Variants in RABEPK observed in about 807,000 individuals in gnomAD.
The protein encoded by RABEPK is Rab9 effector protein with kelch motifs.
Under a neutral mutation model 34.1 loss-of-function variants are expected in RABEPK, and 27 were observed. The ratio of observed to expected loss-of-function variants is 0.79; its 90% CI spans 0.58 to 1.09. RABEPK has a LOEUF of 1.09. RABEPK is among the 50% of genes least tolerant of loss of function. The pLI, the probability that RABEPK is intolerant of heterozygous loss-of-function variation, is 0.00. For synonymous variants in RABEPK, 172 were observed against 169.2 expected (o/e 1.02, Z -0.13); for missense variants, 449 against 462.6 (o/e 0.97, Z 0.27).
chr9:125,207,702 C>T lies in RABEPK; in HGVS notation c.192C>T (p.Asp64=), dbSNP rs143806351. The T allele has an allele frequency of 3.3e-5, 54 of 1,614,130 alleles. No individual in the cohort carries two copies. Among genetic ancestry groups the T allele is most frequent in the African/African-American group, 1.1e-4 (8 of 75,060 alleles). The part of the protein sequence containing the change: ...GGANPNRSFS[D]VHTMDLGKHQ... ...CAAATCCAAACAGAAGCTTCTCAGA[C>T]GTGCACACCATGGATCTGGGTAAGA... The change falls in exon 3 of 8, where the codon GAC becomes GAT. Residue 64 remains aspartate, a synonymous_variant. Transcript: ENST00000373538.
rs186136750 is a variant in RABEPK at position 125,217,292 on chromosome 9, A to G, written c.365-3247A>G. On this transcript the variant is annotated intron_variant, in intron 4 of 7. Transcript: ENST00000373538. ...AGTTAAGGTTTGGCAAAGGGAAATC[A>G]GTTCTGGAACCCTGGCCTTTTGATT... is the stretch of plus-strand genomic sequence containing the variant. 1.5e-3 allele frequency among the ~76,000 whole-genome samples: 230 copies of G among 152,356 alleles called. 1 individual carries two copies. The highest frequency in any genetic ancestry group is 5.4e-3 in the African/African-American group (224 of 41,596).
intron 6 of RABEPK, among the ~76,000 whole-genome samples, chr9:125,230,812 G>A (rs1029681531): frequency 1.3e-5 from 2 of 151,682 alleles, no homozygotes; most frequent in Admixed American, 6.6e-5. Flanking sequence ...TGGGATTACA[G>A]GTGTGAGCCA....
At chr9:125,230,737 G>A (rs753681300) in intron 6 of RABEPK, among the ~76,000 whole-genome samples, 1 of 151,166 alleles carries the variant, frequency 6.6e-6, no homozygotes, top group Non-Finnish European at 1.5e-5. Context: ...GGGTTTCACC[G>A]TGTTAGCCAG....
intron 3 of RABEPK, among the ~76,000 whole-genome samples, chr9:125,208,298 TTGA>T (rs1830368931): frequency 6.6e-6 from 1 of 152,174 alleles, no homozygotes; most frequent in Admixed American, 6.6e-5. Flanking sequence ...GTAGGATACA[TTGA>T]TGACTACCAC....
intron 7 of RABEPK, among the ~76,000 whole-genome samples, chr9:125,233,334 T>TTG (rs1289986590): frequency 7.3e-6 from 1 of 136,854 alleles, no homozygotes; most frequent in African/African-American, 2.8e-5. Context: ...AAATTGTTTT[T>TTG]TTTTTTTTTT....
At chr9:125,218,176 C>T (rs1831066783) in intron 4 of RABEPK, among the ~76,000 whole-genome samples, 2 of 151,110 alleles carry the variant, frequency 1.3e-5, no homozygotes, top group South Asian at 2.1e-4. Flanking sequence ...AAAAATTAGC[C>T]GGGCATGGTG....
At chr9:125,213,259 C>G (rs1471882015) in intron 3 of RABEPK, 111 bp from the exon 4 acceptor site, 5 of 1,094,136 alleles carry the variant, frequency 4.6e-6, no homozygotes, top group African/African-American at 3.2e-5. Context: ...TTAAGTGATT[C>G]AGTGGTTTTC....
chr9:125,228,304 G>A (rs563374312), intron 6 of RABEPK, among the ~76,000 whole-genome samples: 1 of 152,128 alleles, frequency 6.6e-6, no homozygotes, highest in South Asian at 2.1e-4. Flanking sequence ...TCACCATGTT[G>A]CCCAGGCTGA....
chr9:125,210,398 C>T (rs1463639480), intron 3 of RABEPK, among the ~76,000 whole-genome samples: 2 of 108,328 alleles, frequency 1.8e-5, no homozygotes, highest in South Asian at 3.0e-4. Context: ...AGCAAGTCTC[C>T]GTCTCAAAAA....
At chr9:125,202,856 A>G (rs1051629849) in intron 1 of RABEPK, among the ~76,000 whole-genome samples, 152 bp from the exon 2 acceptor site, 1 of 152,090 alleles carries the variant, frequency 6.6e-6, no homozygotes, top group African/African-American at 2.4e-5. Flanking sequence ...TAAATAAATA[A>G]TAAAAATAAA....
At chr9:125,207,267 C>A (rs1204198924) in intron 2 of RABEPK, among the ~76,000 whole-genome samples, 12 of 152,138 alleles carry the variant, frequency 7.9e-5, no homozygotes, top group East Asian at 5.8e-4. Flanking sequence ...GTGCCAAGAC[C>A]CATCACTGAA....
chr9:125,209,381 G>A (rs1174893105), intron 3 of RABEPK, among the ~76,000 whole-genome samples: 3 of 148,414 alleles, frequency 2.0e-5, no homozygotes, highest in Non-Finnish European at 3.0e-5. Context: ...GCAGCGTGTC[G>A]CTCTGTCACC....
intron 5 of RABEPK, among the ~76,000 whole-genome samples, chr9:125,224,581 T>G (rs1290221788): frequency 1.3e-5 from 2 of 151,502 alleles, no homozygotes; most frequent in Non-Finnish European, 2.9e-5. Context: ...GCCTCCCGAG[T>G]AGCTTGGACT....
chr9:125,209,536 A>G (rs1830457496), intron 3 of RABEPK, among the ~76,000 whole-genome samples: 3 of 151,686 alleles, frequency 2.0e-5, no homozygotes, highest in African/African-American at 7.3e-5. Context: ...TTTAGTAGAG[A>G]TGGGGGTTTC....
chr9:125,217,735 G>C (rs1401018913), intron 4 of RABEPK, among the ~76,000 whole-genome samples: 1 of 152,134 alleles, frequency 6.6e-6, no homozygotes, highest in Non-Finnish European at 1.5e-5. Flanking sequence ...GCTGGTGTTT[G>C]AGTTGGCAGG....
chr9:125,222,856 G>A (rs1831448437), intron 5 of RABEPK, among the ~76,000 whole-genome samples: 1 of 151,714 alleles, frequency 6.6e-6, no homozygotes, highest in Admixed American at 6.6e-5. Context: ...ATAAATATTA[G>A]AGTCAGGGTC....
At chr9:125,214,641 G>A (rs983334584) in intron 4 of RABEPK, among the ~76,000 whole-genome samples, 2 of 152,172 alleles carry the variant, frequency 1.3e-5, no homozygotes, top group East Asian at 1.9e-4. Flanking sequence ...GTGGGGAAGT[G>A]GACTTGTCTT....
chr9:125,208,112 A>T (rs12553638), intron 3 of RABEPK, among the ~76,000 whole-genome samples: 17 of 152,176 alleles, frequency 1.1e-4, no homozygotes, highest in Admixed American at 1.0e-3. Flanking sequence ...TGGGTGACAG[A>T]GCAAGACTCT....
chr9:125,208,070 G>A (rs1830348134), intron 3 of RABEPK, among the ~76,000 whole-genome samples: 1 of 152,152 alleles, frequency 6.6e-6, no homozygotes, highest in Non-Finnish European at 1.5e-5. Context: ...GGAAGTTAAA[G>A]TAAGCCAGGA....
Sources: gnomAD v4.1 joint callset for allele counts (sites outside exome capture counted in the v4.1 genomes callset) on GRCh38, gnomAD v4.1.1 for gene constraint, MANE v1.5 for transcripts, NCBI Gene and HGNC (gene_info 2026-07-23, HGNC 2026-07-21) for gene names.